Variants in RAB27B observed in about 807,000 individuals in gnomAD.
RAB27B encodes the protein ras-related protein Rab-27B.
RAB27B carries 15 observed loss-of-function variants against 24.6 expected under a neutral mutation model. The ratio of observed to expected loss-of-function variants is 0.61; its 90% confidence interval spans 0.41 to 0.94. RAB27B has a LOEUF of 0.94. RAB27B is among the 40% of genes least tolerant of loss of function. RAB27B has a pLI of 0.00. For synonymous variants in RAB27B, 105 were observed against 92.5 expected, an observed-to-expected ratio of 1.14 and a Z score of -0.78; for missense variants, 261 against 266.8, an observed-to-expected ratio of 0.98 and a Z score of 0.15.
At chr18:54,779,085 G>C (rs1908808424) in intron 2 of RAB27B, among the ~76,000 whole-genome samples, 1 of 152,108 alleles carries the variant, frequency 6.6e-6, no homozygotes, top group Non-Finnish European at 1.5e-5. Context: ...TGATCTGTCT[G>C]CCTTGGCCTC....
At chr18:54,768,471 C>G (rs1908437027) in intron 2 of RAB27B, among the ~76,000 whole-genome samples, 1 of 152,080 alleles carries the variant, frequency 6.6e-6, no homozygotes. Context: ...TTCATATGTA[C>G]TAAAAGTGGT....
chr18:54,807,611 T>C (rs540536715), intron 2 of RAB27B, among the ~76,000 whole-genome samples: 8 of 152,338 alleles, frequency 5.3e-5, no homozygotes, highest in African/African-American at 1.7e-4. Flanking sequence ...AACTCATTAA[T>C]AGTGAATATT....
intron 2 of RAB27B, among the ~76,000 whole-genome samples, chr18:54,801,168 A>C (rs1342542340): frequency 2.0e-5 from 3 of 151,700 alleles, no homozygotes; most frequent in Non-Finnish European, 4.4e-5. Context: ...GCACGCCACC[A>C]CACCTGGCTA....
intron 2 of RAB27B, among the ~76,000 whole-genome samples, chr18:54,739,136 C>T (rs1833297): frequency 0.061 from 9,343 of 152,178 alleles, 359 homozygotes; most frequent in Admixed American, 0.087. Context: ...TTTATTAGTA[C>T]TCAATAGTAT....
intron 1 of RAB27B, among the ~76,000 whole-genome samples, chr18:54,847,309 G>A (rs908729680): frequency 6.6e-6 from 1 of 152,172 alleles, no homozygotes; most frequent in African/African-American, 2.4e-5. Flanking sequence ...TCCTAATGAT[G>A]GAAATACCCA....
At position 54,889,278 on chromosome 18, in the gene RAB27B, A is replaced by G. The variant is rs1407827921; in HGVS notation, c.522A>G (p.Val174=). The G allele has an allele frequency of 5.0e-6, 8 of 1,613,290 alleles. No individual in the cohort carries two copies. Among genetic ancestry groups the G allele is most frequent in the Non-Finnish European group, 6.8e-6 (8 of 1,179,504 alleles). The change falls in exon 6 of 6, where the codon GTA becomes GTG. Residue 174 remains valine, a synonymous_variant. Coordinates refer to ENST00000262094, the MANE Select transcript of RAB27B (RefSeq NM_004163.4). ...CTGGACAGAATGTGGAGAAAGCTGTAGAAACCCTTTTGGACTTAATCATGA... is the reference window on the plus strand; with the variant it reads ...CTGGACAGAATGTGGAGAAAGCTGTGGAAACCCTTTTGGACTTAATCATGA... ...AATGQNVEKA[V]ETLLDLIMKR...
intron 2 of RAB27B, among the ~76,000 whole-genome samples, chr18:54,718,830 C>G (rs1303212273): frequency 3.3e-5 from 5 of 152,090 alleles, no homozygotes; most frequent in African/African-American, 9.7e-5. Context: ...GAGTATTTTA[C>G]AAATCAATTG....
At chr18:54,754,737 A>T (rs748057633) in intron 2 of RAB27B, among the ~76,000 whole-genome samples, 3 of 152,254 alleles carry the variant, frequency 2.0e-5, no homozygotes, top group Non-Finnish European at 1.5e-5. Context: ...GTGTAAATAC[A>T]TCAAAGCATA....
Position 54,895,493 on chromosome 18 carries a change from T to TA in RAB27B, c.*6086dup, listed in dbSNP as rs1913532156. 1 of 152,242 alleles carries TA rather than the reference T, an allele frequency of 6.6e-6. No homozygotes were observed. The highest frequency in any genetic ancestry group is 1.9e-4 in the East Asian group (1 of 5,186). The allele number at this position is 152,242 out of a possible 1,614,324, so 9.4% of individuals were successfully genotyped here. On this transcript the variant is annotated 3_prime_UTR_variant, in exon 6 of 6. Transcript: ENST00000262094. The stretch of plus-strand genomic sequence containing the variant: ...TGATTGTTTCTGCACACTTTTCAAA[T>TA]AAAAAATGAATTTTTATCAATTATT...
chr18:54,838,648 A>G (rs1490742546), intron 1 of RAB27B, among the ~76,000 whole-genome samples: 1 of 152,140 alleles, frequency 6.6e-6, no homozygotes, highest in African/African-American at 2.4e-5. Flanking sequence ...TATGTTTTTC[A>G]TAAAAGCTCC....
intron 2 of RAB27B, among the ~76,000 whole-genome samples, chr18:54,797,998 G>A (rs578227165): frequency 6.6e-6 from 1 of 152,154 alleles, no homozygotes; most frequent in South Asian, 2.1e-4. Flanking sequence ...AATTGATTCG[G>A]ATAAGTTGAA....
At chr18:54,805,029 G>T in intron 2 of RAB27B, among the ~76,000 whole-genome samples, 2 of 140,778 alleles carry the variant, frequency 1.4e-5, no homozygotes, top group Non-Finnish European at 3.0e-5. Flanking sequence ...ATTTTTGACT[G>T]CTCTCCACCA....
intron 2 of RAB27B, among the ~76,000 whole-genome samples, chr18:54,799,734 A>T (rs56384362): frequency 7.0e-6 from 1 of 142,646 alleles, no homozygotes; most frequent in Non-Finnish European, 1.5e-5. Context: ...GGTTCATGCC[A>T]TTCTCCTGCG....
intron 2 of RAB27B, among the ~76,000 whole-genome samples, chr18:54,750,559 CAG>C (rs1907800034): frequency 6.6e-6 from 1 of 152,048 alleles, no homozygotes; most frequent in Non-Finnish European, 1.5e-5. Context: ...GTTGCAGAGA[CAG>C]AGGAAGGACA....
chr18:54,787,283 C>T (rs924633670), intron 2 of RAB27B, among the ~76,000 whole-genome samples: 5 of 152,190 alleles, frequency 3.3e-5, no homozygotes, highest in Admixed American at 6.5e-5. Flanking sequence ...TTGAGACTTT[C>T]GCTCTGGTCA....
At chr18:54,827,013 AG>A (rs1191846549), upstream of RAB27B, among the ~76,000 whole-genome samples, 2 of 152,260 alleles carry the variant, frequency 1.3e-5, no homozygotes, top group Non-Finnish European at 2.9e-5. Flanking sequence ...ATGTGTTAAC[AG>A]TGGAAAAGAT....
intron 2 of RAB27B, among the ~76,000 whole-genome samples, chr18:54,774,890 C>A (rs1212004801): frequency 6.6e-6 from 1 of 152,222 alleles, no homozygotes; most frequent in South Asian, 2.1e-4. Flanking sequence ...TCAGAGGCTG[C>A]TTGTGTTTTG....
chr18:54,805,010 C>CT (rs1909746873), intron 2 of RAB27B, among the ~76,000 whole-genome samples: 1 of 133,398 alleles, frequency 7.5e-6, no homozygotes, highest in Non-Finnish European at 1.6e-5. Flanking sequence ...TTCTGTTCCT[C>CT]TTTTTTTAAT....
At chr18:54,788,596 C>T (rs928190413) in intron 2 of RAB27B, among the ~76,000 whole-genome samples, 1 of 152,198 alleles carries the variant, frequency 6.6e-6, no homozygotes, top group African/African-American at 2.4e-5. Context: ...AGCCACTGCA[C>T]CTGGGCTCAG....
Sources: gnomAD v4.1 joint callset for allele counts (sites outside exome capture counted in the v4.1 genomes callset) on GRCh38, gnomAD v4.1.1 for gene constraint, MANE v1.5 for transcripts, NCBI Gene and HGNC (gene_info 2026-07-23, HGNC 2026-07-21) for gene names.